Variants in ZNF365 observed in about 807,000 individuals in gnomAD.
ZNF365 encodes zinc finger protein 365.
A neutral mutation model predicts 35.0 loss-of-function variants in ZNF365; 22 were observed. That is an observed-to-expected ratio of 0.63 (90% confidence interval 0.45 to 0.90). The LOEUF is 0.90. ZNF365 is among the 40% of genes least tolerant of loss of function. ZNF365 has a pLI of 0.00. For synonymous variants in ZNF365, 188 were observed against 196.2 expected (o/e 0.96, Z 0.35); for missense variants, 448 against 500.3 (o/e 0.90, Z 1.00).
chr10:62,429,014 A>G (rs949249123), intron 3 of ZNF365, among the ~76,000 whole-genome samples: 3 of 152,172 alleles, frequency 2.0e-5, no homozygotes, highest in Admixed American at 6.5e-5. Flanking sequence ...GGCACTCGCT[A>G]GCTGATGGGA....
At chr10:62,375,517 A>T (rs1174695985) in intron 1 of ZNF365, 1 of 152,270 alleles carries the variant, frequency 6.6e-6, no homozygotes, top group Admixed American at 6.5e-5. Context: ...AAAGGCAAAA[A>T]TTTCAGGGTG....
At chr10:62,402,564 C>A, downstream of ZNF365, 1 of 603,440 alleles carries the variant, frequency 1.7e-6, no homozygotes, top group Non-Finnish European at 2.1e-6. Context: ...TACATATAAT[C>A]ACCAGGATCT....
intron 3 of ZNF365, among the ~76,000 whole-genome samples, chr10:62,418,711 C>T (rs118140280): frequency 0.01 from 1,569 of 152,178 alleles, 12 homozygotes; most frequent in Non-Finnish European, 0.015. Flanking sequence ...GCATATTCAT[C>T]TTGGTATTGG....
intron 4 of ZNF365, among the ~76,000 whole-genome samples, chr10:62,475,983 T>G (rs914037550): frequency 4.6e-5 from 7 of 152,096 alleles, no homozygotes; most frequent in Non-Finnish European, 7.4e-5. Context: ...CTCCTGCATA[T>G]GAGGGGTGTT....
chr10:62,399,806 G>C lies in ZNF365; in HGVS notation c.*17G>C. On this transcript the variant is annotated 3_prime_UTR_variant, in exon 5 of 5. Coordinates refer to ENST00000395254, the MANE Select transcript of ZNF365 (RefSeq NM_014951.3). ...ATCATCTAAAAGGGTGGGTGGTGCT[G>C]GACCAATCATCGCTGGGCTTTGGGG... 1 of 1,600,458 alleles carries C rather than the reference G, an allele frequency of 6.2e-7. No individual in the cohort carries two copies. The highest frequency in any genetic ancestry group is 1.7e-5 in the Admixed American group (1 of 58,592).
intron 3 of ZNF365, among the ~76,000 whole-genome samples, chr10:62,424,154 T>C (rs1010909126): frequency 2.6e-5 from 4 of 152,220 alleles, no homozygotes; most frequent in African/African-American, 9.6e-5. Context: ...GAGAACTCTA[T>C]TAATTTGAGA....
chr10:62,380,992 G>A (rs1313056303), intron 2 of ZNF365, among the ~76,000 whole-genome samples: 2 of 152,146 alleles, frequency 1.3e-5, no homozygotes, highest in Admixed American at 6.5e-5. Flanking sequence ...AGGTGTGTGG[G>A]GGGGAACATA....
At chr10:62,381,294 A>C (rs1421975473) in intron 2 of ZNF365, among the ~76,000 whole-genome samples, 4 of 152,112 alleles carry the variant, frequency 2.6e-5, no homozygotes, top group African/African-American at 9.7e-5. Context: ...TGAGAACCAG[A>C]AGGTTGCCCC....
At chr10:62,379,169 C>G (rs1419253908) in intron 2 of ZNF365, among the ~76,000 whole-genome samples, 1 of 151,964 alleles carries the variant, frequency 6.6e-6, no homozygotes, top group African/African-American at 2.4e-5. Flanking sequence ...GTTACAGGCG[C>G]CCACCACTGC....
At position 62,401,884 on chromosome 10, in the gene ZNF365, A is replaced by T. The variant is rs1839835776; in HGVS notation, c.*2095A>T. On this transcript the variant is annotated 3_prime_UTR_variant, in exon 5 of 5. Coordinates refer to ENST00000395254, the MANE Select transcript of ZNF365 (RefSeq NM_014951.3). ...GTCATCCTACTCTACATTTCACAAG[A>T]CGAATTATTTTGAGATTTGTTTATT... 1 of 985,450 alleles carries T rather than the reference A, an allele frequency of 1.0e-6. No homozygotes were observed. Among genetic ancestry groups the T allele is most frequent in the African/African-American group, 1.7e-5 (1 of 57,332 alleles). 61.0% of individuals were successfully genotyped at this position (985,450 alleles called of 1,614,324 possible).
chr10:62,442,266 T>C (rs1490362797), intron 3 of ZNF365, among the ~76,000 whole-genome samples: 2 of 152,158 alleles, frequency 1.3e-5, no homozygotes, highest in East Asian at 3.8e-4. Flanking sequence ...GCAATAAGGA[T>C]AGAATTTAAA....
rs1050324119 is a variant in ZNF365 at position 62,400,386 on chromosome 10, A to T, written c.*597A>T. 6 of 985,986 alleles carry T rather than the reference A, an allele frequency of 6.1e-6. No homozygotes were observed. The highest frequency in any genetic ancestry group is 1.7e-5 in the African/African-American group (1 of 57,198). 61.1% of individuals were successfully genotyped at this position (985,986 alleles called of 1,614,324 possible). A position where few individuals can be genotyped will look rare whatever the true frequency, so the allele number is the denominator to read the frequency against. Reference sequence around the variant, plus strand: ...CAGTCAGACTTCAGTTCTCATTCCGACAGGGTGTCTTTCAGTTCGTTTGTT... The same window carrying T: ...CAGTCAGACTTCAGTTCTCATTCCGTCAGGGTGTCTTTCAGTTCGTTTGTT... On this transcript the variant is annotated 3_prime_UTR_variant, in exon 5 of 5. Transcript: ENST00000395254.
chr10:62,406,170 C>CT (rs1010043575), downstream of ZNF365, among the ~76,000 whole-genome samples: 1 of 152,182 alleles, frequency 6.6e-6, no homozygotes, highest in African/African-American at 2.4e-5. Context: ...CCTCTTGCTC[C>CT]TTTCCAGCCA....
intron 3 of ZNF365, among the ~76,000 whole-genome samples, chr10:62,444,093 G>T: frequency 6.6e-6 from 1 of 152,210 alleles, no homozygotes; most frequent in Non-Finnish European, 1.5e-5. Context: ...AGAAGTGTCA[G>T]ACTGACTCCA....
At chr10:62,410,446 T>C (rs1023694283) in intron 3 of ZNF365, among the ~76,000 whole-genome samples, 10 of 152,092 alleles carry the variant, frequency 6.6e-5, no homozygotes, top group Non-Finnish European at 1.0e-4. Context: ...TGTGCCATGG[T>C]GGTTTGCTGC....
At chr10:62,444,600 A>AT (rs1331956192) in intron 3 of ZNF365, among the ~76,000 whole-genome samples, 1 of 151,904 alleles carries the variant, frequency 6.6e-6, no homozygotes, top group African/African-American at 2.4e-5. Context: ...CTCTGTCCTT[A>AT]CATCTTCTTC....
At position 62,415,104 on chromosome 10, in the gene ZNF365, T is replaced by C. The variant is rs1288640172; in HGVS notation, c.924+26528T>C. On this transcript the variant is annotated intron_variant, in intron 3 of 4. Transcript: ENST00000395255. ...TTCCTTATTTTTTTGAACATATTAA[T>C]TACAGTAAAAGTCTTTGCTAATTCC... 3.9e-5 allele frequency among the ~76,000 whole-genome samples: 6 copies of C among 152,296 alleles called. No homozygotes were observed. In the South Asian group the frequency reaches 8.3e-4, roughly 21 times the overall value.
In ZNF365 at chr10:62,400,294, G is replaced by T; in HGVS notation, c.*505G>T. The T allele has an allele frequency of 3.0e-6, 3 of 986,658 alleles. No individual in the cohort carries two copies. Among genetic ancestry groups the T allele is most frequent in the Non-Finnish European group, 3.6e-6 (3 of 830,472 alleles). 61.1% of individuals were successfully genotyped at this position (986,658 alleles called of 1,614,324 possible). A position where few individuals can be genotyped will look rare whatever the true frequency, so the allele number is the denominator to read the frequency against. On this transcript the variant is annotated 3_prime_UTR_variant, in exon 5 of 5. Transcript: ENST00000395254. ...CTAATTTGAAAGCCTCCAAAATAAG[G>T]ATTCCCATTCCCCGAGTATTCTGGT... is the stretch of plus-strand genomic sequence containing the variant.
chr10:62,411,515 C>T (rs967776270), intron 3 of ZNF365, among the ~76,000 whole-genome samples: 6 of 152,130 alleles, frequency 3.9e-5, no homozygotes, highest in African/African-American at 1.2e-4. Context: ...GTTCTTCTGG[C>T]ACTATTTATT....
Sources: gnomAD v4.1 joint callset for allele counts (sites outside exome capture counted in the v4.1 genomes callset) on GRCh38, gnomAD v4.1.1 for gene constraint, MANE v1.5 for transcripts, NCBI Gene and HGNC (gene_info 2026-07-23, HGNC 2026-07-21) for gene names.